RCSD1: variants seen among roughly 807,000 people sequenced by gnomAD.
RCSD1 encodes the protein capZ-interacting protein.
A neutral mutation model predicts 42.5 loss-of-function variants in RCSD1; 26 were observed. The ratio of observed to expected loss-of-function variants is 0.61; its 90% CI spans 0.45 to 0.85. The LOEUF (loss-of-function observed/expected upper bound fraction) is 0.85. Among genes scored for constraint, RCSD1 ranks in the 40% least tolerant of loss-of-function variants. The pLI is 0.00. For missense variants in RCSD1, 571 were observed against 528.3 expected (o/e 1.08, Z -0.79); for synonymous variants, 220 against 212.2 (o/e 1.04, Z -0.32).
In RCSD1 at chr1:167,630,245, C is replaced by A; in HGVS notation, c.-179C>A. 3.8e-6 allele frequency: 1 copy of A among 263,972 alleles called. No individual in the cohort carries two copies. The highest frequency in any genetic ancestry group is 1.6e-4 in the South Asian group (1 of 6,398). 16.4% of individuals were successfully genotyped at this position (263,972 alleles called of 1,614,324 possible). A position where few individuals can be genotyped will look rare whatever the true frequency, so the allele number is the denominator to read the frequency against. ...TCCTTCCTCGTTCTCTCGCGCAGGGCCCCCGCGGCCGGGGCAGTCCCGCAG... is the reference window on the plus strand; with the variant it reads ...TCCTTCCTCGTTCTCTCGCGCAGGGACCCCGCGGCCGGGGCAGTCCCGCAG... On this transcript the variant is annotated 5_prime_UTR_variant, in exon 1 of 7. Transcript: ENST00000367854.
intron 1 of RCSD1, among the ~76,000 whole-genome samples, chr1:167,649,226 G>GTGTTC (rs1231955428): frequency 1.3e-5 from 2 of 152,164 alleles, no homozygotes; most frequent in African/African-American, 4.8e-5. Context: ...GCTGGAGGAA[G>GTGTTC]TAGCGTGAAA....
At chr1:167,676,576 G>T (rs1305916611) in intron 1 of RCSD1, among the ~76,000 whole-genome samples, 1 of 152,030 alleles carries the variant, frequency 6.6e-6, no homozygotes, top group African/African-American at 2.4e-5. Context: ...TTGTACAACA[G>T]TTGGCACATT....
At chr1:167,639,441 G>A (rs1229278043) in intron 1 of RCSD1, among the ~76,000 whole-genome samples, 1 of 152,078 alleles carries the variant, frequency 6.6e-6, no homozygotes, top group Non-Finnish European at 1.5e-5. Context: ...ACTATCTGTG[G>A]GGATAGGGTG....
intron 1 of RCSD1, among the ~76,000 whole-genome samples, chr1:167,643,131 C>T (rs542492746): frequency 1.6e-4 from 24 of 152,304 alleles, no homozygotes; most frequent in Middle Eastern, 6.8e-3. Context: ...TAAGATTATG[C>T]ATGTAATAAA....
chr1:167,645,123 C>A (rs2102201711), intron 1 of RCSD1, among the ~76,000 whole-genome samples: 1 of 152,184 alleles, frequency 6.6e-6, no homozygotes, highest in East Asian at 1.9e-4. Flanking sequence ...TCCAGATGAC[C>A]CACAGCTGGG....
At chr1:167,702,895 C>T (rs1191882034) in intron 6 of RCSD1, among the ~76,000 whole-genome samples, 1 of 152,208 alleles carries the variant, frequency 6.6e-6, no homozygotes, top group East Asian at 1.9e-4. Flanking sequence ...CAGAGACTAA[C>T]TTACCCAAAC....
intron 1 of RCSD1, among the ~76,000 whole-genome samples, chr1:167,683,276 G>A (rs1351339429): frequency 6.6e-6 from 1 of 152,182 alleles, no homozygotes; most frequent in African/African-American, 2.4e-5. Flanking sequence ...ACTGATGAGG[G>A]ATGTGCTACA....
At position 167,634,947 on chromosome 1, in the gene RCSD1, T is replaced by A. The variant is rs200611190; in HGVS notation, c.6+4518T>A. ...TCAGTATTACTATGATGAGAGTGTG[T>A]GTGTGTGTGTGTGTGTGTGTGTGTA... On this transcript the variant is annotated intron_variant, in intron 1 of 6. Transcript: ENST00000367854. 4.4e-4 allele frequency among the ~76,000 whole-genome samples: 26 copies of A among 59,600 alleles called. No homozygotes were observed. The East Asian group carries it at 0.032, about 73-fold the overall frequency. The allele number at this position is 59,600 out of a possible 152,430, so 39.1% of individuals were successfully genotyped here.
intron 1 of RCSD1, among the ~76,000 whole-genome samples, chr1:167,643,373 C>A (rs1018361416): frequency 2.6e-5 from 4 of 152,114 alleles, no homozygotes; most frequent in African/African-American, 9.7e-5. Context: ...GACAAAGAGG[C>A]TTTTTATAGC....
At chr1:167,644,767 C>T (rs903544732) in intron 1 of RCSD1, among the ~76,000 whole-genome samples, 2 of 152,158 alleles carry the variant, frequency 1.3e-5, no homozygotes, top group African/African-American at 2.4e-5. Context: ...GGGTGGGATT[C>T]GGAGACTGCT....
At chr1:167,654,376 A>G (rs75554501) in intron 1 of RCSD1, among the ~76,000 whole-genome samples, 3,216 of 152,222 alleles carry the variant, frequency 0.021, 106 homozygotes, top group African/African-American at 0.071. Flanking sequence ...CTTCAGAGGG[A>G]ATGGGTAGGA....
intron 1 of RCSD1, among the ~76,000 whole-genome samples, chr1:167,672,873 A>G (rs1229353): frequency 0.51 from 78,104 of 152,046 alleles, 20,557 homozygotes; most frequent in East Asian, 0.65. Context: ...CTCCAGAGGT[A>G]TAGACCATGC....
intron 1 of RCSD1, among the ~76,000 whole-genome samples, chr1:167,683,279 G>A (rs951035867): frequency 3.3e-5 from 5 of 152,184 alleles, no homozygotes; most frequent in African/African-American, 4.8e-5. Context: ...GATGAGGGAT[G>A]TGCTACAGCC....
chr1:167,670,490 C>A (rs1016236184), intron 1 of RCSD1, among the ~76,000 whole-genome samples: 4 of 152,104 alleles, frequency 2.6e-5, no homozygotes, highest in Non-Finnish European at 4.4e-5. Flanking sequence ...TTGTGTGTAA[C>A]CCCCTGAGGC....
chr1:167,665,563 T>A (rs1477189930), intron 1 of RCSD1, among the ~76,000 whole-genome samples: 1 of 152,254 alleles, frequency 6.6e-6, no homozygotes, highest in African/African-American at 2.4e-5. Context: ...GTGACTATAC[T>A]GTTTCACATT....
chr1:167,684,996 C>T (rs959260554), intron 2 of RCSD1, among the ~76,000 whole-genome samples: 3 of 152,290 alleles, frequency 2.0e-5, no homozygotes, highest in East Asian at 1.9e-4. Flanking sequence ...TGCACTATTT[C>T]GGGGTTTTGT....
chr1:167,639,570 G>A (rs1657953764), intron 1 of RCSD1, among the ~76,000 whole-genome samples: 1 of 152,004 alleles, frequency 6.6e-6, no homozygotes, highest in African/African-American at 2.4e-5. Flanking sequence ...TCGGCTCACT[G>A]CAACCTCCAC....
rs567855103 is a variant in RCSD1 at position 167,682,464 on chromosome 1, G to A, written c.7-1436G>A. The stretch of plus-strand genomic sequence containing the variant: ...ATTACAGGCGTGAGCCACCATGTCC[G>A]GCCTGTCAAAGCCTTCTTCTCAAAA... On this transcript the variant is annotated intron_variant, in intron 1 of 6. Transcript: ENST00000367854. Among the ~76,000 whole-genome samples the A allele has an allele frequency of 7.2e-4, 110 of 152,214 alleles. 1 individual carries two copies. Among genetic ancestry groups the A allele is most frequent in the Admixed American group, 2.3e-3 (35 of 15,290 alleles).
chr1:167,669,771 G>T (rs1162571356), intron 1 of RCSD1, among the ~76,000 whole-genome samples: 1 of 152,192 alleles, frequency 6.6e-6, no homozygotes, highest in East Asian at 1.9e-4. Context: ...CTTGAGGCTT[G>T]CAGGGGCAGG....
Sources: gnomAD v4.1 joint callset for allele counts (sites outside exome capture counted in the v4.1 genomes callset) on GRCh38, gnomAD v4.1.1 for gene constraint, MANE v1.5 for transcripts, NCBI Gene and HGNC (gene_info 2026-07-23, HGNC 2026-07-21) for gene names.